COL5A2: variants seen among roughly 807,000 people sequenced by gnomAD.
COL5A2 encodes the protein collagen type V alpha 2 chain.
In COL5A2, 23 loss-of-function variants were observed where a neutral mutation model predicts 208.2. The observed-to-expected ratio is 0.11, with a 90% CI of 0.08 to 0.16. The LOEUF (loss-of-function observed/expected upper bound fraction) is 0.16. Among genes scored for constraint, COL5A2 ranks in the 10% least tolerant of loss-of-function variants. COL5A2 has a pLI of 1.00. For synonymous variants in COL5A2, 625 were observed against 628.5 expected (o/e 0.99, Z 0.08); for missense variants, 1,590 against 1,956.4 (o/e 0.81, Z 3.53).
At chr2:189,041,551 T>G (rs745755192) in intron 50 of COL5A2, 35 bp downstream of exon 50, 1 of 1,468,658 alleles carries the variant, frequency 6.8e-7, no homozygotes, top group South Asian at 1.1e-5. Context: ...ATTGAATAAA[T>G]AGCATTTCTT....
chr2:189,164,658 C>T lies in COL5A2; in HGVS notation c.97+14850G>A, dbSNP rs560558854. Among the ~76,000 whole-genome samples, 24 of 152,048 alleles carry T rather than the reference C, an allele frequency of 1.6e-4. 1 individual carries two copies. In the South Asian group the frequency reaches 3.9e-3, roughly 25 times the overall value. On this transcript the variant is annotated intron_variant, in intron 1 of 53. Coordinates refer to ENST00000374866, the MANE Select transcript of COL5A2 (RefSeq NM_000393.5). ...AGTAAAAGCATGCTAAATAATAACACCTTTATGTAATATAATATATGCTTA... is the reference window on the plus strand; with the variant it reads ...AGTAAAAGCATGCTAAATAATAACATCTTTATGTAATATAATATATGCTTA...
the COL5A2 span, among the ~76,000 whole-genome samples, chr2:189,273,429 T>TA: frequency 1.3e-5 from 2 of 151,946 alleles, no homozygotes; most frequent in African/African-American, 2.4e-5. Flanking sequence ...CAGCTATTAT[T>TA]AAAAAAAGAA....
chr2:189,189,037 G>T (rs1688891189), intron 1 of COL5A2, among the ~76,000 whole-genome samples: 1 of 152,064 alleles, frequency 6.6e-6, no homozygotes, highest in Non-Finnish European at 1.5e-5. Context: ...GAAGAAAGGA[G>T]TTTTTTTATA....
chr2:189,123,270 T>A (rs561322058), intron 1 of COL5A2, among the ~76,000 whole-genome samples: 48 of 152,296 alleles, frequency 3.2e-4, no homozygotes, highest in African/African-American at 1.1e-3. Context: ...GGCCTAAAAA[T>A]TTTTAAAGAT....
chr2:189,427,431 T>C, the COL5A2 span, among the ~76,000 whole-genome samples: 1 of 152,128 alleles, frequency 6.6e-6, no homozygotes, highest in Non-Finnish European at 1.5e-5. Flanking sequence ...CGGAGACCCT[T>C]TACTAGGACA....
chr2:189,035,874 G>A (rs1164885532), intron 52 of COL5A2, among the ~76,000 whole-genome samples: 1 of 152,024 alleles, frequency 6.6e-6, no homozygotes, highest in Non-Finnish European at 1.5e-5. Flanking sequence ...GATGCAGAAT[G>A]AAATATTCAC....
At chr2:189,202,917 C>A (rs1213916706) in intron 1 of COL5A2, among the ~76,000 whole-genome samples, 1 of 152,108 alleles carries the variant, frequency 6.6e-6, no homozygotes, top group Non-Finnish European at 1.5e-5. Context: ...CTTAACAGCT[C>A]ATTCTTCCAG....
chr2:189,033,997 A>T lies in COL5A2; in HGVS notation c.*73T>A. The T allele has an allele frequency of 2.5e-6, 4 of 1,602,946 alleles. No individual in the cohort carries two copies. Among genetic ancestry groups the T allele is most frequent in the Non-Finnish European group, 3.4e-6 (4 of 1,171,712 alleles). On this transcript the variant is annotated 3_prime_UTR_variant, in exon 54 of 54. Transcript: ENST00000374866. ...CTTCAAGAGTCTCAGGATCAACTTC[A>T]AACAGTCAAAGTTCTTGTGAATGGC...
chr2:189,246,644 G>A, the COL5A2 span, among the ~76,000 whole-genome samples: 2 of 152,286 alleles, frequency 1.3e-5, no homozygotes, highest in Non-Finnish European at 2.9e-5. Flanking sequence ...TTCATATTTG[G>A]GTTTTAGTTA....
intron 1 of COL5A2, among the ~76,000 whole-genome samples, chr2:189,188,944 T>G (rs1310310438): frequency 6.6e-6 from 1 of 152,210 alleles, no homozygotes; most frequent in East Asian, 1.9e-4. Context: ...AAGACTTCTG[T>G]GTATTGGAGA....
chr2:189,244,162 T>G, the COL5A2 span, among the ~76,000 whole-genome samples: 1 of 152,222 alleles, frequency 6.6e-6, no homozygotes, highest in Non-Finnish European at 1.5e-5. Flanking sequence ...GTCTTGGGGA[T>G]TATTATTTGG....
intron 6 of COL5A2, chr2:189,095,237 A>C (rs1686882445): frequency 6.6e-6 from 1 of 152,230 alleles, no homozygotes; most frequent in Non-Finnish European, 1.5e-5. Flanking sequence ...GACATGAGGC[A>C]AAACATTCTA....
In COL5A2 at chr2:189,057,311, A is replaced by AAAT; in HGVS notation, c.2337+8_2337+9insATT. The stretch of plus-strand genomic sequence containing the variant: ...AACTGAAAAAAAAAAAAAAAAAAAA[A>AAAT]GGACTTACTCTGTCACCCTTGGGGC... On this transcript the variant is annotated intron_variant, in intron 34 of 53. Coordinates refer to ENST00000374866, the MANE Select transcript of COL5A2 (RefSeq NM_000393.5). 6.8e-7 allele frequency: 1 copy of AAAT among 1,466,428 alleles called. No homozygotes were observed. The highest frequency in any genetic ancestry group is 9.4e-7 in the Non-Finnish European group (1 of 1,067,726). 90.8% of individuals were successfully genotyped at this position (1,466,428 alleles called of 1,614,324 possible).
chr2:189,101,249 C>CATATAT (rs1007898692), intron 3 of COL5A2, among the ~76,000 whole-genome samples: 6 of 151,920 alleles, frequency 3.9e-5, no homozygotes, highest in Non-Finnish European at 7.4e-5. Flanking sequence ...TTTCTCCTTT[C>CATATAT]ATATATATTA....
chr2:189,396,455 C>G, the COL5A2 span, among the ~76,000 whole-genome samples: 3 of 151,324 alleles, frequency 2.0e-5, no homozygotes, highest in South Asian at 4.2e-4. Context: ...GGGTGAATCA[C>G]GAGGTCAGGA....
chr2:189,239,934 C>T, the COL5A2 span, among the ~76,000 whole-genome samples: 5 of 152,072 alleles, frequency 3.3e-5, no homozygotes, highest in African/African-American at 9.7e-5. Context: ...AGATAAGACA[C>T]ATTTCAGACT....
At chr2:189,358,845 T>G in the COL5A2 span, among the ~76,000 whole-genome samples, 1 of 147,012 alleles carries the variant, frequency 6.8e-6, no homozygotes, top group African/African-American at 2.5e-5. Context: ...TAAAAGTGAT[T>G]GCCTTCTTGA....
chr2:189,387,149 A>G, the COL5A2 span, among the ~76,000 whole-genome samples: 1 of 152,214 alleles, frequency 6.6e-6, no homozygotes. Flanking sequence ...AAAGAATGAA[A>G]TCATGTCCTT....
the COL5A2 span, among the ~76,000 whole-genome samples, chr2:189,299,417 C>T: frequency 5.9e-5 from 9 of 152,254 alleles, no homozygotes; most frequent in South Asian, 2.1e-4. Context: ...GACCCATGAG[C>T]CCACCTCGAT....
Sources: allele counts gnomAD v4.1 joint callset (sites outside exome capture counted in the v4.1 genomes callset), GRCh38; gene constraint gnomAD v4.1.1; transcripts MANE v1.5; gene names NCBI Gene and HGNC (gene_info 2026-07-23, HGNC 2026-07-21).